CATSPERE: variants seen among roughly 807,000 people sequenced by gnomAD.
CATSPERE encodes the protein catsper channel auxiliary subunit epsilon, also known as cation channel sperm-associated auxiliary subunit epsilon.
CATSPERE carries 93 observed loss-of-function variants against 114.1 expected under a neutral mutation model. That is an observed-to-expected ratio of 0.81 (90% CI 0.69 to 0.97). CATSPERE has a LOEUF of 0.97. Among genes scored for constraint, CATSPERE ranks in the 50% least tolerant of loss-of-function variants. CATSPERE has a pLI of 0.00. For missense variants in CATSPERE, 1,058 were observed against 1,131.6 expected (o/e 0.93, Z 0.93); for synonymous variants, 341 against 384.1 (o/e 0.89, Z 1.31).
intron 2 of CATSPERE, among the ~76,000 whole-genome samples, chr1:244,464,993 A>C (rs1667387859): frequency 6.6e-6 from 1 of 150,914 alleles, no homozygotes; most frequent in Non-Finnish European, 1.5e-5. Flanking sequence ...TGATGAGCCA[A>C]ATCTCTCCCC....
chr1:244,598,634 G>C, intron 17 of CATSPERE: 1 of 342,734 alleles, frequency 2.9e-6, no homozygotes, highest in Non-Finnish European at 6.0e-6. Context: ...CCACGGTGTG[G>C]CACTGGACAC....
At chr1:244,594,199 G>A (rs1227219336) in intron 17 of CATSPERE, among the ~76,000 whole-genome samples, 2 of 152,046 alleles carry the variant, frequency 1.3e-5, no homozygotes, top group African/African-American at 4.8e-5. Flanking sequence ...GTGTGCCTGT[G>A]GTCCCAGCTA....
At chr1:244,595,489 G>A (rs879571838) in intron 17 of CATSPERE, among the ~76,000 whole-genome samples, 3 of 152,148 alleles carry the variant, frequency 2.0e-5, no homozygotes, top group Non-Finnish European at 4.4e-5. Context: ...GACAGTTGGA[G>A]GAAGAAAATT....
intron 20 of CATSPERE, among the ~76,000 whole-genome samples, chr1:244,634,726 TATCTGAGCTTCCTC>T: frequency 6.6e-6 from 1 of 152,364 alleles, no homozygotes; most frequent in Non-Finnish European, 1.5e-5. Flanking sequence ...TTGCTTAACC[TATCTGAGCTTCCTC>T]ATCTGAGTTT....
Position 244,490,432 on chromosome 1 carries a change from T to A in CATSPERE, c.327-15T>A, listed in dbSNP as rs761303009. The A allele has an allele frequency of 3.3e-6, 5 of 1,536,026 alleles. No homozygotes were observed. The highest frequency in any genetic ancestry group is 2.3e-5 in the South Asian group (2 of 86,884). On this transcript the variant is annotated splice_polypyrimidine_tract_variant and intron_variant, in intron 5 of 21. Coordinates refer to ENST00000366534, the MANE Select transcript of CATSPERE (RefSeq NM_001130957.2). ...AGGCTGTTTACTAAAATATGTTTCC[T>A]CTTTTTCCAAGCAGACATTTCTTTA...
chr1:244,519,227 A>G (rs1299405976), intron 8 of CATSPERE, among the ~76,000 whole-genome samples: 1 of 152,144 alleles, frequency 6.6e-6, no homozygotes, highest in African/African-American at 2.4e-5. Context: ...AGAAACAGGT[A>G]TTATATAGGA....
At chr1:244,473,214 A>G (rs1295927919) in intron 2 of CATSPERE, among the ~76,000 whole-genome samples, 1 of 152,206 alleles carries the variant, frequency 6.6e-6, no homozygotes, top group Non-Finnish European at 1.5e-5. Context: ...GTACCGTTCT[A>G]CATTGTCACC....
At position 244,572,762 on chromosome 1, in the gene CATSPERE, C is replaced by T. The variant is rs141757048; in HGVS notation, c.1940C>T (p.Thr647Ile). The change falls in exon 11 of 22, where the codon ACC becomes ATC. Residue 647 changes from threonine to isoleucine, a missense_variant. This residue lies in a region of CATSPERE where 787 missense variants were observed against 905.6 expected (regional missense o/e 0.87). Coordinates refer to ENST00000366534, the MANE Select transcript of CATSPERE (RefSeq NM_001130957.2). ...TTTGAAGCTGCCTTTGGATACTGCA[C>T]CAAAACTCTGGTAAGCTAATATTTT... ...ISFEAAFGYC[T>I]KTLTLTFYQN... The T allele has an allele frequency of 1.1e-5, 17 of 1,569,800 alleles. No individual in the cohort carries two copies. In the East Asian group the frequency reaches 3.8e-4, roughly 35 times the overall value.
chr1:244,466,244 C>A (rs952001904), intron 2 of CATSPERE, among the ~76,000 whole-genome samples: 14 of 152,104 alleles, frequency 9.2e-5, no homozygotes, highest in Admixed American at 3.3e-4. Flanking sequence ...ATATAAGATT[C>A]TTTTATCAAT....
chr1:244,466,641 A>G (rs1165709305), intron 2 of CATSPERE, among the ~76,000 whole-genome samples: 1 of 152,210 alleles, frequency 6.6e-6, no homozygotes, highest in Non-Finnish European at 1.5e-5. Flanking sequence ...TCAAGCAGAA[A>G]TTTATTTGCT....
At chr1:244,632,359 A>C (rs1352151844) in intron 20 of CATSPERE, among the ~76,000 whole-genome samples, 2 of 139,732 alleles carry the variant, frequency 1.4e-5, no homozygotes, top group Admixed American at 1.6e-4. Context: ...ATGCCATTGC[A>C]CTCCAGCCTG....
chr1:244,517,434 C>CTATTATT (rs778513168), intron 7 of CATSPERE, among the ~76,000 whole-genome samples: 2 of 151,754 alleles, frequency 1.3e-5, no homozygotes, highest in African/African-American at 2.4e-5. Flanking sequence ...ATTAAAATAT[C>CTATTATT]TATTATTTAT....
intron 7 of CATSPERE, among the ~76,000 whole-genome samples, chr1:244,514,129 G>C (rs1676192762): frequency 6.6e-6 from 1 of 152,026 alleles, no homozygotes; most frequent in African/African-American, 2.4e-5. Context: ...TGTTACCCGG[G>C]CTTTTGGTGT....
At chr1:244,615,085 C>A (rs1472850165) in intron 19 of CATSPERE, among the ~76,000 whole-genome samples, 2 of 151,824 alleles carry the variant, frequency 1.3e-5, no homozygotes, top group Non-Finnish European at 2.9e-5. Context: ...AGCTGCCCCG[C>A]CACCACCCCA....
In CATSPERE at chr1:244,585,412, G is replaced by T. The variant is rs78073254; in HGVS notation, c.2085+1473G>T. 2.3e-3 allele frequency among the ~76,000 whole-genome samples: 344 copies of T among 152,290 alleles called. 5 individuals are homozygous for T. The East Asian group carries it at 0.039, about 17-fold the overall frequency. On this transcript the variant is annotated intron_variant, in intron 13 of 21. Coordinates refer to ENST00000366534, the MANE Select transcript of CATSPERE (RefSeq NM_001130957.2). The stretch of plus-strand genomic sequence containing the variant: ...CCTCTGTGCCCACTGCAGGTAGTTT[G>T]TCCTGACCTACCCACTGAAATAGAA...
At position 244,607,768 on chromosome 1, in the gene CATSPERE, C is replaced by T. The variant is rs1050149072; in HGVS notation, c.2403+1974C>T. On this transcript the variant is annotated intron_variant, in intron 18 of 21. Coordinates refer to ENST00000366534, the MANE Select transcript of CATSPERE (RefSeq NM_001130957.2). This position sits in a 1 kb window ranked among gnomAD's most constrained non-coding sequence, Gnocchi z 4.4. ...AATTCACTGCTTTGAGGAGAGGCACCGTCAGAACCATCTAACCAGGGACAT... is the reference window on the plus strand; with the variant it reads ...AATTCACTGCTTTGAGGAGAGGCACTGTCAGAACCATCTAACCAGGGACAT... Among the ~76,000 whole-genome samples, 2 of 152,110 alleles carry T rather than the reference C, an allele frequency of 1.3e-5. No individual in the cohort carries two copies. Among genetic ancestry groups the T allele is most frequent in the African/African-American group, 2.4e-5 (1 of 41,406 alleles).
At chr1:244,539,838 A>G (rs1658313525) in intron 8 of CATSPERE, among the ~76,000 whole-genome samples, 1 of 123,212 alleles carries the variant, frequency 8.1e-6, no homozygotes, top group Non-Finnish European at 1.7e-5. Context: ...ATCATTTTTT[A>G]TTGCGTCTAT....
chr1:244,560,993 T>A lies in CATSPERE; in HGVS notation c.1355T>A (p.Phe452Tyr). 1 of 1,614,072 alleles carries A rather than the reference T, an allele frequency of 6.2e-7. No homozygotes were observed. Among genetic ancestry groups the A allele is most frequent in the East Asian group, 2.2e-5 (1 of 44,878 alleles). Residue 452 changes from phenylalanine (F) to tyrosine (Y), a missense_variant, in exon 10 of 22, where the codon TTT becomes TAT. By Grantham distance (22) the Phe-to-Tyr change is conservative (BLOSUM62 3). Transcript: ENST00000366534. ...IDSVTMPHFT[F>Y]SALPGLLLWN... ...AGTGTTACCATGCCACATTTTACAT[T>A]TTCAGCACTGCCAGGATTACTGCTA...
At chr1:244,543,086 C>T (rs749762303) in intron 8 of CATSPERE, among the ~76,000 whole-genome samples, 2 of 152,020 alleles carry the variant, frequency 1.3e-5, no homozygotes, top group African/African-American at 4.8e-5. Flanking sequence ...ATAGAATTAC[C>T]AGCAATCCAC....
Sources: allele counts gnomAD v4.1 joint callset (sites outside exome capture counted in the v4.1 genomes callset), GRCh38; gene constraint gnomAD v4.1.1; regional missense constraint gnomAD v4.1.1; non-coding constraint Gnocchi (gnomAD v3.1); transcripts MANE v1.5; gene names NCBI Gene and HGNC (gene_info 2026-07-23, HGNC 2026-07-21).